Variants in AKAP13 observed in about 807,000 individuals in gnomAD.
The protein encoded by AKAP13 is A-kinase anchoring protein 13, also known as A-kinase anchor protein 13.
Under a neutral mutation model 264.5 loss-of-function variants are expected in AKAP13, and 80 were observed. That is an observed-to-expected ratio of 0.30 (90% CI 0.25 to 0.36). The LOEUF is 0.36. AKAP13 is among the 10% of genes least tolerant of loss of function. The pLI is 1.00. For synonymous variants in AKAP13, 1,380 were observed against 1,250.2 expected, an observed-to-expected ratio of 1.10 and a Z score of -2.19; for missense variants, 3,712 against 3,435.2, an observed-to-expected ratio of 1.08 and a Z score of -2.01.
chr15:85,569,179 C>A (rs543669066), intron 5 of AKAP13, among the ~76,000 whole-genome samples: 79 of 152,250 alleles, frequency 5.2e-4, no homozygotes, highest in African/African-American at 1.7e-3. Context: ...CCATTAGACA[C>A]CCTGGTAAAG....
chr15:85,578,384 A>G (rs11631667), intron 6 of AKAP13, among the ~76,000 whole-genome samples: 93,425 of 151,918 alleles, frequency 0.61, 28,894 homozygotes, highest in Middle Eastern at 0.72. Flanking sequence ...TTTTGCTCTT[A>G]TTGCCCAGGC....
intron 1 of AKAP13, among the ~76,000 whole-genome samples, chr15:85,445,218 G>C (rs1016014528): frequency 6.6e-6 from 1 of 152,188 alleles, no homozygotes; most frequent in South Asian, 2.1e-4. Flanking sequence ...AGTTAGTACA[G>C]TTTGTGGGCA....
At chr15:85,737,902 G>C (rs2088659812) in intron 33 of AKAP13, among the ~76,000 whole-genome samples, 1 of 152,062 alleles carries the variant, frequency 6.6e-6, no homozygotes, top group Non-Finnish European at 1.5e-5. Context: ...GCCTCCCAAA[G>C]TGCTGGGGTT....
intron 5 of AKAP13, among the ~76,000 whole-genome samples, chr15:85,562,451 G>A (rs1327057753): frequency 6.6e-6 from 1 of 150,702 alleles, no homozygotes; most frequent in African/African-American, 2.4e-5. Context: ...TGTAATCCCA[G>A]CTACTTGGGA....
chr15:85,689,333 T>C (rs1597069037), intron 16 of AKAP13, among the ~76,000 whole-genome samples: 1 of 152,364 alleles, frequency 6.6e-6, no homozygotes, highest in South Asian at 2.1e-4. Flanking sequence ...CATTCCTTCT[T>C]TGATTAAAGA....
intron 1 of AKAP13, among the ~76,000 whole-genome samples, chr15:85,430,156 G>A (rs1423368211): frequency 6.6e-6 from 1 of 152,106 alleles, no homozygotes; most frequent in Non-Finnish European, 1.5e-5. Flanking sequence ...CATTAATATG[G>A]AGCCTGTAAT....
At position 85,717,350 on chromosome 15, in the gene AKAP13, A is replaced by G. The variant is rs766009819; in HGVS notation, c.5796A>G (p.Ser1932=). 28 of 1,613,228 alleles carry G rather than the reference A, an allele frequency of 1.7e-5. No individual in the cohort carries two copies. The African/African-American group carries it at 3.5e-4, about 20-fold the overall frequency. Residue 1932 remains serine, a synonymous_variant, in exon 21 of 37, where the codon TCA becomes TCG. Coordinates refer to ENST00000394518, the MANE Select transcript of AKAP13 (RefSeq NM_007200.5). ...AATTCCTGTCTCATTCAACAGACTC[A>G]CTAAATAAAATCAGCAAGGTCAATG... ...TWKFLSHSTD[S]LNKISKVNES... is the part of the protein sequence containing the mutation.
intron 1 of AKAP13, among the ~76,000 whole-genome samples, chr15:85,461,362 C>T (rs1044106391): frequency 2.6e-5 from 4 of 152,100 alleles, no homozygotes; most frequent in Admixed American, 1.3e-4. Flanking sequence ...GTGATCTGCC[C>T]GCCTCGGCCT....
chr15:85,480,620 G>A (rs950745585), intron 1 of AKAP13, among the ~76,000 whole-genome samples: 1 of 150,784 alleles, frequency 6.6e-6, no homozygotes, highest in African/African-American at 2.4e-5. Context: ...GGTGGTGGGG[G>A]TGGGGGGGTT....
intron 9 of AKAP13, among the ~76,000 whole-genome samples, chr15:85,643,571 T>C (rs2151483755): frequency 6.6e-6 from 1 of 152,342 alleles, no homozygotes; most frequent in Middle Eastern, 3.4e-3. Flanking sequence ...AGTTATGTAG[T>C]CCAACCCTCA....
At position 85,600,321 on chromosome 15, in the gene AKAP13, A is replaced by T. The variant is rs1032702503; in HGVS notation, c.4161+14498A>T. 4.3e-3 allele frequency among the ~76,000 whole-genome samples: 418 copies of T among 97,832 alleles called. 5 individuals are homozygous for T. Among genetic ancestry groups the T allele is most frequent in the Middle Eastern group, 0.01 (1 of 98 alleles). 64.2% of individuals were successfully genotyped at this position (97,832 alleles called of 152,430 possible). On this transcript the variant is annotated intron_variant, in intron 8 of 36. Transcript: ENST00000394518. ...GAAGATGGGAATAGCTTAGATTTAAAAAAAAAAAAAAAAAAAGGCTAGCTT... is the reference window on the plus strand; with the variant it reads ...GAAGATGGGAATAGCTTAGATTTAATAAAAAAAAAAAAAAAAGGCTAGCTT...
chr15:85,501,271 C>T (rs544419263), intron 2 of AKAP13, among the ~76,000 whole-genome samples: 1 of 152,170 alleles, frequency 6.6e-6, no homozygotes, highest in Non-Finnish European at 1.5e-5. Context: ...AGTATTGTTC[C>T]TCCACAAATC....
chr15:85,564,354 A>G (rs1322837085), intron 5 of AKAP13, among the ~76,000 whole-genome samples: 3 of 152,216 alleles, frequency 2.0e-5, no homozygotes, highest in African/African-American at 7.2e-5. Flanking sequence ...GTGTGTATAC[A>G]TATACATATA....
At chr15:85,538,319 C>T in intron 4 of AKAP13, among the ~76,000 whole-genome samples, 1 of 151,926 alleles carries the variant, frequency 6.6e-6, no homozygotes, top group East Asian at 1.9e-4. Context: ...ATTCTCCCCT[C>T]AAAGAGAAAT....
intron 4 of AKAP13, among the ~76,000 whole-genome samples, chr15:85,539,652 A>C (rs117338232): frequency 6.6e-6 from 1 of 152,080 alleles, no homozygotes; most frequent in East Asian, 1.9e-4. Flanking sequence ...AGGCACATCA[A>C]CTTTTTTGCA....
chr15:85,733,110 T>G (rs1227105589), intron 30 of AKAP13, among the ~76,000 whole-genome samples: 1 of 152,190 alleles, frequency 6.6e-6, no homozygotes, highest in Non-Finnish European at 1.5e-5. Context: ...GTCATGTGGA[T>G]ATGTGAAGCT....
At chr15:85,730,140 G>GA (rs2087898347) in intron 29 of AKAP13, among the ~76,000 whole-genome samples, 1 of 152,126 alleles carries the variant, frequency 6.6e-6, no homozygotes, top group Non-Finnish European at 1.5e-5. Context: ...ATCAATGCTG[G>GA]AAAAAACAAC....
At chr15:85,666,558 A>T (rs2083613356) in intron 13 of AKAP13, among the ~76,000 whole-genome samples, 1 of 152,042 alleles carries the variant, frequency 6.6e-6, no homozygotes, top group African/African-American at 2.4e-5. Context: ...TTATTTATTT[A>T]CTTATTTAGA....
At chr15:85,655,268 T>C (rs1342867618) in intron 10 of AKAP13, 149 bp from the exon 11 acceptor site, 2 of 871,402 alleles carry the variant, frequency 2.3e-6, no homozygotes, top group Non-Finnish European at 3.4e-6. Context: ...CCAATTGTGA[T>C]CATCCTATTA....
Sources: gnomAD v4.1 joint callset for allele counts (sites outside exome capture counted in the v4.1 genomes callset) on GRCh38, gnomAD v4.1.1 for gene constraint, MANE v1.5 for transcripts, NCBI Gene and HGNC (gene_info 2026-07-23, HGNC 2026-07-21) for gene names.